The following SLC28A3 variants were observed in gnomAD, a reference collection of about 807,000 sequenced individuals.
SLC28A3 encodes solute carrier family 28 member 3.
A neutral mutation model predicts 84.2 loss-of-function variants in SLC28A3; 68 were observed. The observed-to-expected ratio is 0.81, with a 90% CI of 0.66 to 0.99. The LOEUF (loss-of-function observed/expected upper bound fraction) is 0.99, where lower values mean the gene tolerates loss of function less well. Ranked by LOEUF, SLC28A3 falls within the 50% of genes least tolerant of loss-of-function variation. SLC28A3 has a pLI of 0.00. For missense variants in SLC28A3, 712 were observed against 841.5 expected (o/e 0.85, Z 1.90); for synonymous variants, 267 against 303.6 (o/e 0.88, Z 1.25).
intron 3 of SLC28A3, among the ~76,000 whole-genome samples, chr9:84,306,749 A>G (rs1199314118): frequency 6.6e-6 from 1 of 152,140 alleles, no homozygotes; most frequent in Admixed American, 6.6e-5. Context: ...ACAGACATGT[A>G]TTGATTGATA....
At chr9:84,301,362 A>AG (rs1204706247) in intron 5 of SLC28A3, among the ~76,000 whole-genome samples, 2 of 150,870 alleles carry the variant, frequency 1.3e-5, no homozygotes, top group Non-Finnish European at 3.0e-5. Context: ...AAAAAAAAAA[A>AG]AAAAAAAAAA....
Position 84,297,998 on chromosome 9 carries a change from A to G in SLC28A3, c.691T>C (p.Trp231Arg), listed in dbSNP as rs1163261349. Residue 231 changes from tryptophan (W) to arginine (R), a missense_variant, in exon 7 of 18, where the codon TGG becomes CGG. By Grantham distance (101) the Trp-to-Arg change is moderately radical. Transcript: ENST00000376238. Reference protein sequence around the residue: ...PTRVYWRPVLWGIGLQFLLGL... With the variant: ...PTRVYWRPVLRGIGLQFLLGL... ...AGAAGAAACTGTAGCCCGATTCCCCATAAGACAGGTCTCCAGTAAACCTAT... is the reference window on the plus strand; with the variant it reads ...AGAAGAAACTGTAGCCCGATTCCCCGTAAGACAGGTCTCCAGTAAACCTAT... 1 of 1,612,292 alleles carries G rather than the reference A, an allele frequency of 6.2e-7. No individual in the cohort carries two copies. The highest frequency in any genetic ancestry group is 2.2e-5 in the East Asian group (1 of 44,866).
chr9:84,320,773 T>A (rs2118496442), intron 1 of SLC28A3, among the ~76,000 whole-genome samples: 1 of 151,976 alleles, frequency 6.6e-6, no homozygotes, highest in South Asian at 2.1e-4. Flanking sequence ...GTGGAACACT[T>A]GAGGTCAGGA....
At chr9:84,324,718 CAG>C (rs1466473159) in intron 1 of SLC28A3, among the ~76,000 whole-genome samples, 1 of 151,906 alleles carries the variant, frequency 6.6e-6, no homozygotes, top group Non-Finnish European at 1.5e-5. Context: ...GGGAAACTGA[CAG>C]GGGAATAGCA....
the SLC28A3 span, among the ~76,000 whole-genome samples, chr9:84,352,142 T>G: frequency 6.6e-6 from 1 of 152,168 alleles, no homozygotes; most frequent in East Asian, 1.9e-4. Context: ...CTATATATTA[T>G]CCTGCAGATT....
the SLC28A3 span, among the ~76,000 whole-genome samples, chr9:84,346,424 T>A: frequency 6.6e-6 from 1 of 152,234 alleles, no homozygotes; most frequent in East Asian, 1.9e-4. Flanking sequence ...GTAAAAATTG[T>A]GTAGAATGCT....
chr9:84,294,288 A>G lies in SLC28A3; in HGVS notation c.862-13T>C. Reference sequence around the variant, plus strand: ...CGATCGGCAGGACCTGTGGGGACAGAAACAAACATGGATTAATGATGGGTC... The same window carrying G: ...CGATCGGCAGGACCTGTGGGGACAGGAACAAACATGGATTAATGATGGGTC... On this transcript the variant is annotated splice_polypyrimidine_tract_variant and intron_variant, in intron 8 of 17. Transcript: ENST00000376238. 1.9e-6 allele frequency: 3 copies of G among 1,613,966 alleles called. No individual in the cohort carries two copies. The highest frequency in any genetic ancestry group is 2.5e-6 in the Non-Finnish European group (3 of 1,179,838).
At chr9:84,289,607 C>T (rs9695643) in intron 11 of SLC28A3, among the ~76,000 whole-genome samples, 1,657 of 152,316 alleles carry the variant, frequency 0.011, 34 homozygotes, top group African/African-American at 0.038. Flanking sequence ...GTGATTCTAA[C>T]GTGCAGAAAG....
intron 6 of SLC28A3, among the ~76,000 whole-genome samples, chr9:84,299,374 G>A (rs1157342723): frequency 6.6e-6 from 1 of 152,092 alleles, no homozygotes; most frequent in African/African-American, 2.4e-5. Flanking sequence ...TATGTAACTG[G>A]AAAATTACTG....
intron 4 of SLC28A3, 31 bp from the exon 5 acceptor site, chr9:84,302,420 A>T (rs371345662): frequency 1.6e-5 from 26 of 1,602,330 alleles, no homozygotes; most frequent in Non-Finnish European, 2.2e-5. Flanking sequence ...GACACTGAAC[A>T]TCACTAACCA....
chr9:84,299,752 G>T (rs772736711), intron 5 of SLC28A3, 27 bp from the exon 6 acceptor site: 2 of 1,556,356 alleles, frequency 1.3e-6, no homozygotes, highest in Non-Finnish European at 1.7e-6. Context: ...GGAGGCATTG[G>T]CATCATTTGT....
chr9:84,334,436 A>G (rs2118601355), intron 1 of SLC28A3, among the ~76,000 whole-genome samples: 1 of 152,328 alleles, frequency 6.6e-6, no homozygotes, highest in East Asian at 1.9e-4. Context: ...CAAGGAAGTA[A>G]TTGCCCCACA....
At chr9:84,355,570 A>G in the SLC28A3 span, among the ~76,000 whole-genome samples, 4 of 152,034 alleles carry the variant, frequency 2.6e-5, no homozygotes, top group African/African-American at 9.7e-5. Flanking sequence ...TGGTCTATAT[A>G]TATTTTGATT....
intron 8 of SLC28A3, 146 bp from the exon 9 acceptor site, chr9:84,294,421 T>TC: frequency 1.4e-6 from 1 of 719,084 alleles, no homozygotes; most frequent in Non-Finnish European, 2.3e-6. Flanking sequence ...TCAGGCAGCT[T>TC]CCCTATCTAC....
At chr9:84,355,568 A>G in the SLC28A3 span, among the ~76,000 whole-genome samples, 1 of 152,184 alleles carries the variant, frequency 6.6e-6, no homozygotes, top group African/African-American at 2.4e-5. Flanking sequence ...TTTGGTCTAT[A>G]TATATTTTGA....
chr9:84,341,794 C>T (rs372619298), upstream of SLC28A3, among the ~76,000 whole-genome samples: 8 of 151,286 alleles, frequency 5.3e-5, no homozygotes, highest in Non-Finnish European at 8.8e-5. Context: ...TAGGGATTTT[C>T]CCCCCTAGTA....
At chr9:84,301,224 A>G (rs1474082019) in intron 5 of SLC28A3, among the ~76,000 whole-genome samples, 3 of 151,398 alleles carry the variant, frequency 2.0e-5, no homozygotes, top group African/African-American at 7.3e-5. Flanking sequence ...ATGGCGGTAC[A>G]TGGGAGGCTG....
chr9:84,297,924 C>A lies in SLC28A3; in HGVS notation c.765G>T (p.Trp255Cys), dbSNP rs763758747. ...RTDPGFIAFD[W>C]LGRQVQTFLE... Reference sequence around the variant, plus strand: ...AACTTACCTGAACTTGTCTGCCCAACCAATCAAAAGCTATAAATCCAGGGT... The same window carrying A: ...AACTTACCTGAACTTGTCTGCCCAAACAATCAAAAGCTATAAATCCAGGGT... The change falls in exon 7 of 18, where the codon TGG (tryptophan) becomes TGT (cysteine). Residue 255 changes from tryptophan to cysteine, a missense_variant. Coordinates refer to ENST00000376238, the MANE Select transcript of SLC28A3 (RefSeq NM_001199633.2). 3.1e-6 allele frequency: 5 copies of A among 1,603,660 alleles called. No individual in the cohort carries two copies. In the Admixed American group the frequency reaches 8.9e-5, roughly 29 times the overall value.
intron 1 of SLC28A3, among the ~76,000 whole-genome samples, chr9:84,325,339 A>AT (rs1463317359): frequency 6.6e-6 from 1 of 152,166 alleles, no homozygotes; most frequent in Non-Finnish European, 1.5e-5. Context: ...CCTACCTAGT[A>AT]TTTTCCTTCC....
Sources: allele counts gnomAD v4.1 joint callset (sites outside exome capture counted in the v4.1 genomes callset), GRCh38; gene constraint gnomAD v4.1.1; transcripts MANE v1.5; gene names NCBI Gene and HGNC (gene_info 2026-07-23, HGNC 2026-07-21).